Variants in ATP13A5 observed in about 807,000 individuals in gnomAD.
ATP13A5 encodes ATPase 13A5.
ATP13A5 carries 149 observed loss-of-function variants against 150.2 expected under a neutral mutation model. The observed-to-expected ratio is 0.99, with a 90% CI of 0.87 to 1.14. ATP13A5 has a LOEUF of 1.14. Ranked by LOEUF, ATP13A5 falls within the 50% of genes most tolerant of loss-of-function variation. The pLI, the probability that ATP13A5 is intolerant of heterozygous loss-of-function variation, is 0.00. For missense variants in ATP13A5, 1,383 were observed against 1,449.3 expected (o/e 0.95, Z 0.74); for synonymous variants, 497 against 522.2 (o/e 0.95, Z 0.66).
In ATP13A5 at chr3:193,311,901, C is replaced by T. The variant is rs751305381; in HGVS notation, c.2360G>A (p.Gly787Glu). 2 of 1,613,792 alleles carry T rather than the reference C, an allele frequency of 1.2e-6. No homozygotes were observed. The highest frequency in any genetic ancestry group is 2.7e-5 in the African/African-American group (2 of 74,910). ...AAAATGGTAACAGCTTCCTCCTTCC[C>T]CACGAGGGGTTGAACTGTTTCCAGT... is the stretch of plus-strand genomic sequence containing the variant. ...MHTGNSSTPR[G>E]EGGSCYHFAM... Residue 787 changes from glycine to glutamate, a missense_variant, in exon 20 of 30, where the codon GGG (glycine) becomes GAG (glutamate). By Grantham distance (98) the Gly-to-Glu change is moderately conservative. Transcript: ENST00000342358.
chr3:193,371,184 G>A (rs1009857130), intron 1 of ATP13A5, among the ~76,000 whole-genome samples: 4 of 152,312 alleles, frequency 2.6e-5, no homozygotes, highest in Admixed American at 2.6e-4. Context: ...AACATGGCAA[G>A]TTCGGTTAAA....
At chr3:193,295,376 C>G (rs1718125618) in intron 25 of ATP13A5, among the ~76,000 whole-genome samples, 1 of 151,986 alleles carries the variant, frequency 6.6e-6, no homozygotes, top group African/African-American at 2.4e-5. Context: ...GCCTCCATGC[C>G]TAGTATCTTT....
intron 6 of ATP13A5, among the ~76,000 whole-genome samples, chr3:193,352,062 T>C (rs1235732426): frequency 6.6e-6 from 1 of 152,222 alleles, no homozygotes. Flanking sequence ...TTTCTAATCA[T>C]TATGAATTGG....
intron 9 of ATP13A5, among the ~76,000 whole-genome samples, chr3:193,340,886 G>T (rs1290995891): frequency 6.6e-6 from 1 of 152,092 alleles, no homozygotes; most frequent in Non-Finnish European, 1.5e-5. Flanking sequence ...CTTTTTCACT[G>T]CTATGTCACC....
chr3:193,308,805 A>C (rs1718720788), intron 21 of ATP13A5, among the ~76,000 whole-genome samples: 1 of 152,174 alleles, frequency 6.6e-6, no homozygotes, highest in Non-Finnish European at 1.5e-5. Context: ...ATGGCTTTTC[A>C]AAGTTAGGCA....
At position 193,341,943 on chromosome 3, in the gene ATP13A5, A is replaced by G. The variant is rs73888273; in HGVS notation, c.943+1984T>C. On this transcript the variant is annotated intron_variant, in intron 9 of 29. Transcript: ENST00000342358. ...GGTGATGAGGCAGGAAGATGAAGTC[A>G]GCAGCTTTTTCCAGCTTAGAATTAT... Among the ~76,000 whole-genome samples, 1,502 of 152,328 alleles carry G rather than the reference A, an allele frequency of 9.9e-3. 21 individuals are homozygous for G. The highest frequency in any genetic ancestry group is 0.035 in the African/African-American group (1,441 of 41,568).
rs758369846 is a variant in ATP13A5 at position 193,378,645 on chromosome 3, A to G, written c.63+18T>C. ...TTGGGCTCTTTGAGAAGACTAATAA[A>G]ATAAAGGGAAGACTCACCAGTTCAT... is the stretch of plus-strand genomic sequence containing the variant. On this transcript the variant is annotated intron_variant, in intron 1 of 29. Transcript: ENST00000342358. The G allele has an allele frequency of 8.1e-6, 13 of 1,611,202 alleles. No homozygotes were observed. In the South Asian group the frequency reaches 1.4e-4, roughly 18 times the overall value.
chr3:193,334,282 C>T (rs1711759268), intron 10 of ATP13A5, among the ~76,000 whole-genome samples: 1 of 152,102 alleles, frequency 6.6e-6, no homozygotes, highest in East Asian at 1.9e-4. Context: ...GAGGTTAGAA[C>T]AGAGAGCTAG....
At chr3:193,340,809 T>C (rs557572023) in intron 9 of ATP13A5, among the ~76,000 whole-genome samples, 1 of 152,320 alleles carries the variant, frequency 6.6e-6, no homozygotes, top group Admixed American at 6.5e-5. Context: ...GTGTCATTTG[T>C]ATACTTTCAT....
intron 9 of ATP13A5, among the ~76,000 whole-genome samples, chr3:193,341,755 C>T (rs1178397508): frequency 1.3e-5 from 2 of 151,972 alleles, no homozygotes; most frequent in African/African-American, 2.4e-5. Flanking sequence ...TTAAGGATGG[C>T]AAAATTTGGA....
At chr3:193,345,743 G>A (rs1187294459) in intron 7 of ATP13A5, among the ~76,000 whole-genome samples, 1 of 152,124 alleles carries the variant, frequency 6.6e-6, no homozygotes, top group Non-Finnish European at 1.5e-5. Flanking sequence ...CTCAAATATA[G>A]AAGTACAGAG....
At chr3:193,281,335 G>A (rs1388665304) in intron 27 of ATP13A5, 2 of 291,054 alleles carry the variant, frequency 6.9e-6, no homozygotes, top group Non-Finnish European at 1.0e-5. Flanking sequence ...GGTCTCGCCT[G>A]TGCACAAGTG....
At chr3:193,365,489 G>A (rs1362808781) in intron 1 of ATP13A5, among the ~76,000 whole-genome samples, 3 of 152,016 alleles carry the variant, frequency 2.0e-5, no homozygotes, top group Admixed American at 6.5e-5. Flanking sequence ...TTTTCTATTG[G>A]TTCTCCTCTT....
intron 5 of ATP13A5, among the ~76,000 whole-genome samples, chr3:193,359,246 T>A (rs1183808532): frequency 6.6e-6 from 1 of 152,068 alleles, no homozygotes; most frequent in African/African-American, 2.4e-5. Context: ...GATGGCTGAG[T>A]ATCTACTACA....
In ATP13A5 at chr3:193,322,511, G is replaced by C. The variant is rs766188885; in HGVS notation, c.1738C>G (p.Pro580Ala). The change falls in exon 15 of 30, where the codon CCA (proline) becomes GCA (alanine). Residue 580 changes from proline to alanine, a missense_variant. Physicochemically the swap from Pro to Ala is conservative, Grantham distance 27 (BLOSUM62 -1). Around this residue, in one of 3 missense-constraint regions of ATP13A5, gnomAD observed 787 missense variants for 771.9 expected, o/e 1.02. Coordinates refer to ENST00000342358, the MANE Select transcript of ATP13A5 (RefSeq NM_198505.4). ...FGTSVSNIIK[P>A]GPKASKSPVE... is the part of the protein sequence containing the mutation. Reference sequence around the variant, plus strand: ...CATACCTTACTGGCTTTTGGTCCTGGTTTTATGATGTTTGAAACTGACGTC... The same window carrying C: ...CATACCTTACTGGCTTTTGGTCCTGCTTTTATGATGTTTGAAACTGACGTC... The C allele has an allele frequency of 7.4e-6, 12 of 1,613,590 alleles. No individual in the cohort carries two copies. The highest frequency in any genetic ancestry group is 9.3e-6 in the Non-Finnish European group (11 of 1,179,610).
At chr3:193,293,220 C>A (rs965241959) in intron 25 of ATP13A5, among the ~76,000 whole-genome samples, 2 of 152,064 alleles carry the variant, frequency 1.3e-5, no homozygotes, top group African/African-American at 4.8e-5. Flanking sequence ...AAATGGCAAG[C>A]CCTGCAATAC....
chr3:193,340,492 G>A (rs1712075228), intron 9 of ATP13A5, among the ~76,000 whole-genome samples: 1 of 152,178 alleles, frequency 6.6e-6, no homozygotes, highest in South Asian at 2.1e-4. Flanking sequence ...AAGCTCGTCT[G>A]ACAGGATATC....
Position 193,333,842 on chromosome 3 carries a change from G to A in ATP13A5, c.1180C>T (p.Leu394=), listed in dbSNP as rs552862406. The change falls in exon 11 of 30, where the codon CTA becomes TTA. Residue 394 remains leucine (L), a synonymous_variant. Transcript: ENST00000342358. The part of the protein sequence containing the change: ...ILYPRPLNFK[L]YSDAFKFIVF... ...ATGAACTTGAAGGCATCGCTGTATAGTTTGAAGTTCAGAGGCCGGGGGTAC... is the reference window on the plus strand; with the variant it reads ...ATGAACTTGAAGGCATCGCTGTATAATTTGAAGTTCAGAGGCCGGGGGTAC... The A allele has an allele frequency of 1.9e-6, 3 of 1,613,984 alleles. No homozygotes were observed. The highest frequency in any genetic ancestry group is 2.7e-5 in the African/African-American group (2 of 75,052).
At chr3:193,358,887 T>C (rs1018136136) in intron 5 of ATP13A5, among the ~76,000 whole-genome samples, 1 of 152,104 alleles carries the variant, frequency 6.6e-6, no homozygotes, top group Non-Finnish European at 1.5e-5. Context: ...CCAGGGAGAT[T>C]CTGGACTTAG....
Sources: gnomAD v4.1 joint callset for allele counts (sites outside exome capture counted in the v4.1 genomes callset) on GRCh38, gnomAD v4.1.1 for gene constraint, gnomAD v4.1.1 regional missense constraint, MANE v1.5 for transcripts, NCBI Gene and HGNC (gene_info 2026-07-23, HGNC 2026-07-21) for gene names.